Variants in FAM161A observed in about 807,000 individuals in gnomAD.
The protein encoded by FAM161A is FAM161 centrosomal protein A, also known as protein FAM161A.
FAM161A carries 57 observed loss-of-function variants against 70.9 expected under a neutral mutation model. The ratio of observed to expected loss-of-function variants is 0.80; its 90% confidence interval spans 0.65 to 1.00. FAM161A has a LOEUF of 1.00. Ranked by LOEUF, FAM161A falls within the 50% of genes least tolerant of loss-of-function variation. FAM161A has a pLI of 0.00. For missense variants in FAM161A, 880 were observed against 836.0 expected (o/e 1.05, Z -0.65); for synonymous variants, 299 against 295.7 (o/e 1.01, Z -0.12).
chr2:61,840,653 T>A lies in FAM161A; in HGVS notation c.423-72A>T, dbSNP rs553725891. ...AAATATAAAAATTAAGAGTTACATATTTTCTTTTTTTTTCTGAGACAGAGT... is the reference window on the plus strand; with the variant it reads ...AAATATAAAAATTAAGAGTTACATAATTTCTTTTTTTTTCTGAGACAGAGT... On this transcript the variant is annotated intron_variant, in intron 2 of 6. Coordinates refer to ENST00000404929, the MANE Select transcript of FAM161A (RefSeq NM_001201543.2). 2,707 of 1,198,922 alleles carry A rather than the reference T, an allele frequency of 2.3e-3. 3 individuals are homozygous for A. Among genetic ancestry groups the A allele is most frequent in the Non-Finnish European group, 3.0e-3 (2,504 of 827,422 alleles). The allele number at this position is 1,198,922 out of a possible 1,614,324, so 74.3% of individuals were successfully genotyped here.
intron 4 of FAM161A, among the ~76,000 whole-genome samples, chr2:61,837,225 T>C (rs1387113093): frequency 6.6e-6 from 1 of 152,104 alleles, no homozygotes; most frequent in Non-Finnish European, 1.5e-5. Flanking sequence ...GCAAAGTTAA[T>C]TCAATGGGAG....
the FAM161A span, among the ~76,000 whole-genome samples, chr2:61,802,802 G>GT: frequency 4.6e-5 from 7 of 152,068 alleles, no homozygotes; most frequent in Non-Finnish European, 1.0e-4. Context: ...CAAGATGGTC[G>GT]TAAGAGGTAG....
the FAM161A span, among the ~76,000 whole-genome samples, chr2:61,814,512 T>G: frequency 1.3e-5 from 2 of 151,726 alleles, no homozygotes; most frequent in African/African-American, 4.8e-5. Flanking sequence ...GAGAGGAGTT[T>G]CAGACAAGCT....
rs1175190760 is a variant in FAM161A at position 61,842,363 on chromosome 2, G to A, written c.184-3C>T. The A allele has an allele frequency of 2.0e-6, 3 of 1,537,804 alleles. No individual in the cohort carries two copies. Among genetic ancestry groups the A allele is most frequent in the African/African-American group, 2.7e-5 (2 of 72,730 alleles). On this transcript the variant is annotated splice_region_variant and splice_polypyrimidine_tract_variant and intron_variant, in intron 1 of 6. Transcript: ENST00000404929. ...GAAAAGCTGGTGTTCAAATCAGCCT[G>A]GTGGGGAGAAAACACTTGATATATA...
In FAM161A at chr2:61,839,544, C is replaced by A. The variant is rs750113496; in HGVS notation, c.1460G>T (p.Arg487Leu). ...ACGCCTTGGAGACAAATAAGGCCAA[C>A]GTGTTTCTTTTAAATTTTCTTCATC... ...EADEENLKET[R>L]WPYLSPRRKS... The change falls in exon 3 of 7, where the codon CGT becomes CTT. Residue 487 changes from arginine (R) to leucine (L), a missense_variant. Coordinates refer to ENST00000404929, the MANE Select transcript of FAM161A (RefSeq NM_001201543.2). The A allele has an allele frequency of 6.0e-5, 97 of 1,614,064 alleles. No homozygotes were observed. The highest frequency in any genetic ancestry group is 7.1e-5 in the Non-Finnish European group (84 of 1,180,038).
At chr2:61,824,837 T>C (rs1672288494), downstream of FAM161A, 1 of 379,198 alleles carries the variant, frequency 2.6e-6, no homozygotes. Flanking sequence ...TGTAAGTATA[T>C]AAAAACCATA....
chr2:61,849,902 C>T (rs1673437665), intron 1 of FAM161A, among the ~76,000 whole-genome samples: 1 of 141,308 alleles, frequency 7.1e-6, no homozygotes, highest in Admixed American at 7.3e-5. Context: ...TCATAAGTGG[C>T]AGGTAAAATA....
At chr2:61,818,149 G>T in the FAM161A span, among the ~76,000 whole-genome samples, 59,723 of 149,902 alleles carry the variant, frequency 0.4, 12,059 homozygotes, top group African/African-American at 0.47. Context: ...TCTGCCTCCT[G>T]GGTTCAAGCA....
chr2:61,807,351 A>T, the FAM161A span, among the ~76,000 whole-genome samples: 1 of 151,902 alleles, frequency 6.6e-6, no homozygotes, highest in African/African-American at 2.4e-5. Context: ...GCACTTAGGA[A>T]GGGAATTTTT....
At chr2:61,833,035 A>G (rs1057226025) in intron 5 of FAM161A, among the ~76,000 whole-genome samples, 2 of 152,184 alleles carry the variant, frequency 1.3e-5, no homozygotes, top group African/African-American at 4.8e-5. Context: ...AAGCCTAAGA[A>G]TAATAATGAT....
In FAM161A at chr2:61,842,302, T is replaced by A; in HGVS notation, c.242A>T (p.Asp81Val). ...VDEHAPISYE[D>V]FVNFPDIHHS... is the part of the protein sequence containing the mutation. ...GTGAATATCAGGAAAGTTCACAAAGTCCTCATAGCTTATCGGTGCATGTTC... is the reference window on the plus strand; with the variant it reads ...GTGAATATCAGGAAAGTTCACAAAGACCTCATAGCTTATCGGTGCATGTTC... Residue 81 changes from aspartate to valine, a missense_variant, in exon 2 of 7, where the codon GAC becomes GTC. Asp to Val is a radical substitution (Grantham distance 152). Coordinates refer to ENST00000404929, the MANE Select transcript of FAM161A (RefSeq NM_001201543.2). 6.2e-7 allele frequency: 1 copy of A among 1,605,532 alleles called. No homozygotes were observed. The highest frequency in any genetic ancestry group is 8.5e-7 in the Non-Finnish European group (1 of 1,175,180).
At chr2:61,849,046 TTATATATATTTA>T (rs1673389142) in intron 1 of FAM161A, among the ~76,000 whole-genome samples, 2 of 1,676 alleles carry the variant, frequency 1.2e-3, no homozygotes, top group African/African-American at 7.0e-3. Context: ...ATTTATATAT[TTATATATATTTA>T]TATATATATA....
the FAM161A span, among the ~76,000 whole-genome samples, chr2:61,800,269 C>A: frequency 6.6e-6 from 1 of 152,086 alleles, no homozygotes; most frequent in Non-Finnish European, 1.5e-5. Context: ...TGGAGCTGTA[C>A]AAAAGGCACA....
the FAM161A span, among the ~76,000 whole-genome samples, chr2:61,809,979 G>A: frequency 6.6e-6 from 1 of 152,128 alleles, no homozygotes; most frequent in East Asian, 1.9e-4. Context: ...TCTACCATTG[G>A]AGGGCATCTT....
chr2:61,848,862 TTA>T (rs1174100020), intron 1 of FAM161A, among the ~76,000 whole-genome samples: 1,003 of 3,404 alleles, frequency 0.29, 335 homozygotes, highest in African/African-American at 0.32. Flanking sequence ...ATATATATAT[TTA>T]TATATATATT....
At chr2:61,807,785 C>T in the FAM161A span, among the ~76,000 whole-genome samples, 1 of 151,920 alleles carries the variant, frequency 6.6e-6, no homozygotes, top group African/African-American at 2.4e-5. Context: ...GGACTACAGG[C>T]ACACAGCACC....
downstream of FAM161A, among the ~76,000 whole-genome samples, chr2:61,822,386 G>C (rs1672221120): frequency 6.6e-6 from 1 of 152,006 alleles, no homozygotes; most frequent in South Asian, 2.1e-4. Flanking sequence ...CAAGAAATGA[G>C]ACTACCTAAA....
Position 61,848,916 on chromosome 2 carries a change from TTATATATATTTATATATATATATTTATA to T in FAM161A, c.183+4915_183+4942del, listed in dbSNP as rs1470693364. 3.0e-3 allele frequency among the ~76,000 whole-genome samples: 2 copies of T among 658 alleles called. 1 individual carries two copies. Among genetic ancestry groups the T allele is most frequent in the African/African-American group, 0.023 (2 of 86 alleles). The allele number at this position is 658 out of a possible 152,430, so 0.4% of individuals were successfully genotyped here. A position where few individuals can be genotyped will look rare whatever the true frequency, so the allele number is the denominator to read the frequency against. The stretch of plus-strand genomic sequence containing the variant: ...TATATTTATATATATATTTATATAT[TTATATATATTTATATATATATATTTATA>T]TATATTTATATATATATTTATATAT... On this transcript the variant is annotated intron_variant, in intron 1 of 6. Coordinates refer to ENST00000404929, the MANE Select transcript of FAM161A (RefSeq NM_001201543.2).
At position 61,842,106 on chromosome 2, in the gene FAM161A, T is replaced by G; in HGVS notation, c.422+16A>C. ...TTATTTTATACTCCACAAATAACAT[T>G]GAGTTACAAGCTTACCTGGAAGAGT... is the stretch of plus-strand genomic sequence containing the variant. On this transcript the variant is annotated intron_variant, in intron 2 of 6. Coordinates refer to ENST00000404929, the MANE Select transcript of FAM161A (RefSeq NM_001201543.2). The G allele has an allele frequency of 4.3e-6, 6 of 1,385,474 alleles. No homozygotes were observed. Among genetic ancestry groups the G allele is most frequent in the Non-Finnish European group, 5.1e-6 (5 of 971,658 alleles). The allele number at this position is 1,385,474 out of a possible 1,614,324, so 85.8% of individuals were successfully genotyped here.
Sources: allele counts gnomAD v4.1 joint callset (sites outside exome capture counted in the v4.1 genomes callset), GRCh38; gene constraint gnomAD v4.1.1; transcripts MANE v1.5; gene names NCBI Gene and HGNC (gene_info 2026-07-23, HGNC 2026-07-21).